The following IGF1R variants were observed in gnomAD, a reference collection of about 807,000 sequenced individuals.
The protein encoded by IGF1R is insulin-like growth factor 1 receptor.
A neutral mutation model predicts 144.6 loss-of-function variants in IGF1R; 44 were observed. The observed-to-expected ratio is 0.30, with a 90% CI of 0.24 to 0.39. IGF1R has a LOEUF of 0.39. Ranked by LOEUF, IGF1R falls within the 10% of genes least tolerant of loss-of-function variation. IGF1R has a pLI of 1.00. For missense variants in IGF1R, 1,355 were observed against 1,833.7 expected (o/e 0.74, Z 4.77); for synonymous variants, 795 against 722.8 (o/e 1.10, Z -1.60).
Position 98,891,948 on chromosome 15 carries a change from T to C in IGF1R, c.953+311T>C, listed in dbSNP as rs2013945367. Among the ~76,000 whole-genome samples, 1 of 152,212 alleles carries C rather than the reference T, an allele frequency of 6.6e-6. No individual in the cohort carries two copies. The highest frequency in any genetic ancestry group is 1.5e-5 in the Non-Finnish European group (1 of 68,042). ...TAGTCTCTCTGGGTACTTGCCAAGCTGCCATCTAAGAGACAGGGAACTGTA... is the reference window on the plus strand; with the variant it reads ...TAGTCTCTCTGGGTACTTGCCAAGCCGCCATCTAAGAGACAGGGAACTGTA... On this transcript the variant is annotated intron_variant, in intron 3 of 20. Transcript: ENST00000650285. The surrounding 1 kb of genome is among the most constrained non-coding windows in gnomAD (Gnocchi z 4.7).
intron 1 of IGF1R, among the ~76,000 whole-genome samples, chr15:98,684,416 G>A (rs1367984670): frequency 6.8e-6 from 1 of 148,024 alleles, no homozygotes; most frequent in Non-Finnish European, 1.5e-5. Context: ...GAGGTGGGGG[G>A]TGTGGGCGGA....
chr15:98,954,447 C>T (rs768275169), intron 20 of IGF1R: 6 of 151,914 alleles, frequency 3.9e-5, no homozygotes, highest in African/African-American at 7.3e-5. Context: ...TATCAGCTCA[C>T]ACATCCTTCT....
At chr15:98,696,064 C>T (rs2053590651) in intron 1 of IGF1R, among the ~76,000 whole-genome samples, 2 of 146,458 alleles carry the variant, frequency 1.4e-5, no homozygotes, top group African/African-American at 5.1e-5. Context: ...AACATCACAT[C>T]GTCACATACA....
intron 2 of IGF1R, among the ~76,000 whole-genome samples, chr15:98,713,620 A>C (rs1197935267): frequency 2.6e-5 from 4 of 152,184 alleles, no homozygotes; most frequent in Non-Finnish European, 5.9e-5. Context: ...AGTTTTGCTG[A>C]AGGCCAGTTC....
chr15:98,763,300 C>T (rs755969750), intron 2 of IGF1R, among the ~76,000 whole-genome samples: 3 of 152,092 alleles, frequency 2.0e-5, no homozygotes, highest in Non-Finnish European at 4.4e-5. Flanking sequence ...TGTTTTTCTT[C>T]ATGTGTTTAG....
intron 2 of IGF1R, among the ~76,000 whole-genome samples, chr15:98,842,215 C>T (rs976914501): frequency 2.6e-5 from 4 of 152,172 alleles, no homozygotes; most frequent in African/African-American, 9.7e-5. Flanking sequence ...AATCGAAGCT[C>T]AAAAATCTGT....
intron 2 of IGF1R, among the ~76,000 whole-genome samples, chr15:98,739,976 C>T (rs953913677): frequency 5.3e-5 from 8 of 151,622 alleles, no homozygotes; most frequent in African/African-American, 4.9e-5. Context: ...GTCTTAGTCT[C>T]CTCTCCAGTG....
At chr15:98,805,171 C>T (rs1276019569) in intron 2 of IGF1R, among the ~76,000 whole-genome samples, 1 of 152,166 alleles carries the variant, frequency 6.6e-6, no homozygotes, top group African/African-American at 2.4e-5. Context: ...CGGAGCATTA[C>T]AGGGGAGTCT....
At chr15:98,756,038 A>C (rs12911294) in intron 2 of IGF1R, among the ~76,000 whole-genome samples, 4 of 152,040 alleles carry the variant, frequency 2.6e-5, no homozygotes, top group African/African-American at 9.7e-5. Flanking sequence ...TGGTGTGATA[A>C]TCTTTGGATA....
At chr15:98,885,760 A>G (rs925646123) in intron 2 of IGF1R, among the ~76,000 whole-genome samples, 1 of 151,544 alleles carries the variant, frequency 6.6e-6, no homozygotes, top group South Asian at 2.1e-4. Flanking sequence ...GAAATATTGT[A>G]TGGCCAGGTG....
At chr15:98,820,228 G>T (rs982764337) in intron 2 of IGF1R, among the ~76,000 whole-genome samples, 69 of 151,434 alleles carry the variant, frequency 4.6e-4, no homozygotes, top group Non-Finnish European at 1.2e-4. Flanking sequence ...TATAATTCTA[G>T]CCTTTTTCTC....
At chr15:98,771,271 C>G (rs2055577110) in intron 2 of IGF1R, among the ~76,000 whole-genome samples, 1 of 152,160 alleles carries the variant, frequency 6.6e-6, no homozygotes, top group African/African-American at 2.4e-5. Flanking sequence ...GGACCATTTA[C>G]ATTTAGTTCT....
Position 98,891,638 on chromosome 15 carries a change from G to A in IGF1R, c.953+1G>A. The A allele has an allele frequency of 6.3e-7, 1 of 1,599,960 alleles. No individual in the cohort carries two copies. The highest frequency in any genetic ancestry group is 8.5e-7 in the Non-Finnish European group (1 of 1,179,858). On this transcript the variant is annotated splice_donor_variant, in intron 3 of 20. Coordinates refer to ENST00000650285, the MANE Select transcript of IGF1R (RefSeq NM_000875.5). LOFTEE classifies it high-confidence loss of function. The surrounding 1 kb of genome is among the most constrained non-coding windows in gnomAD (Gnocchi z 4.7). ...GCTTCATCCGCAACGGCAGCCAGAGGTCAGTCGCGGCCACACGTGTGGTCA... is the reference window on the plus strand; with the variant it reads ...GCTTCATCCGCAACGGCAGCCAGAGATCAGTCGCGGCCACACGTGTGGTCA...
At chr15:98,663,950 T>A (rs1461651270) in intron 1 of IGF1R, among the ~76,000 whole-genome samples, 1 of 152,242 alleles carries the variant, frequency 6.6e-6, no homozygotes, top group African/African-American at 2.4e-5. Context: ...TTGTGGTTCT[T>A]GATGAGAAGC....
At chr15:98,794,303 CA>C (rs1224100378) in intron 2 of IGF1R, among the ~76,000 whole-genome samples, 1 of 152,148 alleles carries the variant, frequency 6.6e-6, no homozygotes, top group Admixed American at 6.5e-5. Flanking sequence ...TGCCAGCTGT[CA>C]GAGATGATTT....
At chr15:98,727,853 A>G (rs1004389097) in intron 2 of IGF1R, among the ~76,000 whole-genome samples, 1 of 152,108 alleles carries the variant, frequency 6.6e-6, no homozygotes, top group Non-Finnish European at 1.5e-5. Context: ...CCCCGAAGGA[A>G]TGCGGGCCAG....
chr15:98,652,218 G>T (rs561777030), intron 1 of IGF1R, among the ~76,000 whole-genome samples: 41 of 152,332 alleles, frequency 2.7e-4, no homozygotes, highest in Non-Finnish European at 4.9e-4. Flanking sequence ...AATGAAGGCG[G>T]TTCGGAGGTT....
Position 98,963,368 on chromosome 15 carries a change from T to C in IGF1R, c.*5926T>C, listed in dbSNP as rs146313621. Reference sequence around the variant, plus strand: ...AAAGGAATGATGATGATTTAAAAAGTAGTTCTGTATCTTCAGTATCTTGGT... The same window carrying C: ...AAAGGAATGATGATGATTTAAAAAGCAGTTCTGTATCTTCAGTATCTTGGT... On this transcript the variant is annotated 3_prime_UTR_variant, in exon 21 of 21. Coordinates refer to ENST00000650285, the MANE Select transcript of IGF1R (RefSeq NM_000875.5). The C allele has an allele frequency of 1.3e-4, 31 of 233,562 alleles. No individual in the cohort carries two copies. In the East Asian group the frequency reaches 1.7e-3, roughly 13 times the overall value. The allele number at this position is 233,562 out of a possible 1,614,324, so 14.5% of individuals were successfully genotyped here.
intron 2 of IGF1R, among the ~76,000 whole-genome samples, chr15:98,776,627 T>C (rs1049472113): frequency 8.5e-5 from 13 of 152,202 alleles, no homozygotes; most frequent in African/African-American, 2.7e-4. Flanking sequence ...TGAAATAACA[T>C]AGGTGCATGT....
Sources: gnomAD v4.1 joint callset for allele counts (sites outside exome capture counted in the v4.1 genomes callset) on GRCh38, gnomAD v4.1.1 for gene constraint, Gnocchi (gnomAD v3.1) non-coding constraint, MANE v1.5 for transcripts, NCBI Gene and HGNC (gene_info 2026-07-23, HGNC 2026-07-21) for gene names.